Variants in CIMAP1A observed in about 807,000 individuals in gnomAD.
CIMAP1A encodes the protein ciliary microtubule associated protein 1A, also known as cancer/testis antigen 135.
At chr11:197,934 C>G in the CIMAP1A span, 1 of 1,504,800 alleles carries the variant, frequency 6.6e-7, no homozygotes, top group Non-Finnish European at 8.9e-7. Flanking sequence ...AGAGAAGACT[C>G]TGGCCCAAGA....
the CIMAP1A span, chr11:199,069 G>A: frequency 7.9e-7 from 1 of 1,267,442 alleles, no homozygotes; most frequent in Non-Finnish European, 1.0e-6. Flanking sequence ...AGGCCCTCAG[G>A]TCCAACAGGG....
chr11:197,767 T>C, the CIMAP1A span: 1 of 1,613,000 alleles, frequency 6.2e-7, no homozygotes, highest in Non-Finnish European at 8.5e-7. Flanking sequence ...TCCAGGTTAG[T>C]GACCCTGTCT....
the CIMAP1A span, chr11:199,536 G>A: frequency 8.4e-6 from 13 of 1,547,018 alleles, no homozygotes; most frequent in Non-Finnish European, 9.6e-6. Flanking sequence ...GCTCAGAGGG[G>A]TCAGGGTGGG....
At chr11:199,800 T>C in the CIMAP1A span, 2 of 1,454,696 alleles carry the variant, frequency 1.4e-6, no homozygotes, top group East Asian at 2.5e-5. Flanking sequence ...TACTGCTGAG[T>C]GCTCTGTGTT....
the CIMAP1A span, chr11:197,979 C>T: frequency 4.1e-4 from 626 of 1,530,920 alleles, 4 homozygotes; most frequent in East Asian, 0.014. Flanking sequence ...TCTGCCAGGC[C>T]GACGTCAGAC....
chr11:199,963 G>T, the CIMAP1A span: 3 of 1,614,140 alleles, frequency 1.9e-6, no homozygotes, highest in Non-Finnish European at 1.7e-6. Flanking sequence ...ACCAAGCCCT[G>T]CGCCCCAGTT....
the CIMAP1A span, chr11:198,275 G>A: frequency 1.2e-6 from 2 of 1,614,052 alleles, no homozygotes; most frequent in Admixed American, 1.7e-5. Flanking sequence ...CCCGGACAAA[G>A]GCATTCCGAG....
the CIMAP1A span, chr11:199,062 C>A: frequency 8.0e-7 from 1 of 1,252,838 alleles, no homozygotes; most frequent in Non-Finnish European, 1.0e-6. Context: ...CAGCCCCAGG[C>A]CCTCAGGTCC....
the CIMAP1A span, chr11:198,494 TG>T: frequency 6.2e-7 from 1 of 1,613,298 alleles, no homozygotes; most frequent in African/African-American, 1.3e-5. Context: ...CCCATGGTAA[TG>T]GGGCCCAATA....
chr11:197,931 A>T, the CIMAP1A span: 2 of 1,502,586 alleles, frequency 1.3e-6, no homozygotes, highest in East Asian at 4.9e-5. Flanking sequence ...GGCAGAGAAG[A>T]CTCTGGCCCA....
chr11:198,277 C>A, the CIMAP1A span: 1 of 1,613,960 alleles, frequency 6.2e-7, no homozygotes, highest in African/African-American at 1.3e-5. Flanking sequence ...CGGACAAAGG[C>A]ATTCCGAGTG....
the CIMAP1A span, chr11:199,559 C>A: frequency 3.3e-6 from 5 of 1,531,962 alleles, no homozygotes; most frequent in South Asian, 6.0e-5. Context: ...AGGGTCCTGG[C>A]CCAGAGGGAT....
chr11:197,218 C>A, the CIMAP1A span: 1 of 877,338 alleles, frequency 1.1e-6, no homozygotes, highest in Non-Finnish European at 1.7e-6. Context: ...TCAGCAAGAG[C>A]AGGGTCGGGG....
the CIMAP1A span, chr11:198,702 C>T: frequency 7.1e-5 from 106 of 1,498,740 alleles, no homozygotes; most frequent in Non-Finnish European, 9.0e-5. Flanking sequence ...CCCCCTCAGC[C>T]CTTCACCCTC....
chr11:198,250 G>A, the CIMAP1A span: 1 of 1,614,060 alleles, frequency 6.2e-7, no homozygotes, highest in East Asian at 2.2e-5. Context: ...TCAGCACCCA[G>A]CCACTCCATC....
At chr11:197,029 T>C in the CIMAP1A span, 2 of 278,650 alleles carry the variant, frequency 7.2e-6, no homozygotes, top group Non-Finnish European at 1.3e-5. Flanking sequence ...CAGGGCTCCC[T>C]TAGAGCCGAG....
the CIMAP1A span, chr11:198,562 G>A: frequency 1.8e-5 from 29 of 1,611,378 alleles, 1 homozygote; most frequent in Middle Eastern, 1.6e-4. Context: ...CAAGCTGGGC[G>A]GCTTCAGCGA....
At chr11:197,613 T>TG in the CIMAP1A span, 1 of 1,613,486 alleles carries the variant, frequency 6.2e-7, no homozygotes, top group Non-Finnish European at 8.5e-7. Flanking sequence ...ACAGCTTCCG[T>TG]GGGGCCCCCA....
the CIMAP1A span, chr11:200,088 C>G: frequency 6.3e-7 from 1 of 1,584,326 alleles, no homozygotes; most frequent in African/African-American, 1.3e-5. Flanking sequence ...TCCGCCGGGC[C>G]ACAGAGCTCG....
Sources: allele counts gnomAD v4.1 joint callset, GRCh38; gene constraint gnomAD v4.1.1; transcripts MANE v1.5; gene names NCBI Gene and HGNC (gene_info 2026-07-23, HGNC 2026-07-21).